The following CMYA5 variants were observed in gnomAD, a reference collection of about 807,000 sequenced individuals.
The protein encoded by CMYA5 is cardiomyopathy-associated protein 5.
In CMYA5, 246 loss-of-function variants were observed where a neutral mutation model predicts 318.9. That is an observed-to-expected ratio of 0.77 (90% confidence interval 0.70 to 0.86). The LOEUF (loss-of-function observed/expected upper bound fraction) is 0.86, where lower values mean the gene tolerates loss of function less well. CMYA5 is among the 40% of genes least tolerant of loss of function. The pLI, the probability that CMYA5 is intolerant of heterozygous loss-of-function variation, is 0.00. For synonymous variants in CMYA5, 1,641 were observed against 1,729.5 expected (o/e 0.95, Z 1.27); for missense variants, 4,589 against 4,678.2 (o/e 0.98, Z 0.56).
chr5:79,791,381 A>G (rs1256112699), intron 11 of CMYA5, among the ~76,000 whole-genome samples: 3 of 152,140 alleles, frequency 2.0e-5, no homozygotes, highest in Non-Finnish European at 2.9e-5. Flanking sequence ...TAATTCTTTT[A>G]TTATTTTTCT....
At chr5:79,702,723 T>C (rs537854449) in intron 1 of CMYA5, among the ~76,000 whole-genome samples, 5 of 152,254 alleles carry the variant, frequency 3.3e-5, no homozygotes, top group South Asian at 4.1e-4. Flanking sequence ...TGAAAGCCAT[T>C]GAATGGTACA....
intron 3 of CMYA5, 42 bp downstream of exon 3, chr5:79,743,964 C>G: frequency 1.0e-6 from 1 of 1,004,736 alleles, no homozygotes; most frequent in Non-Finnish European, 1.5e-6. Context: ...GGCTTGTTCA[C>G]AGTATCAGAA....
intron 11 of CMYA5, 64 bp from the exon 12 acceptor site, chr5:79,793,373 A>G: frequency 6.8e-7 from 1 of 1,476,486 alleles, no homozygotes; most frequent in Non-Finnish European, 9.3e-7. Context: ...GTGAATGTTT[A>G]TGCTTATGAG....
chr5:79,733,122 T>A lies in CMYA5; in HGVS notation c.4357T>A (p.Ser1453Thr). ...ATTTGATTCACTTCCAAGTGTCTCCTCTATAGCAGAGCATTCTGTTTTGTC... is the reference window on the plus strand; with the variant it reads ...ATTTGATTCACTTCCAAGTGTCTCCACTATAGCAGAGCATTCTGTTTTGTC... ...IKFDSLPSVS[S>T]IAEHSVLSEV... The change falls in exon 2 of 13, where the codon TCT (serine) becomes ACT (threonine). Residue 1453 changes from serine to threonine, a missense_variant. This residue lies in a region of CMYA5 where 2,132 missense variants were observed against 2,131.3 expected (regional missense o/e 1.00). Coordinates refer to ENST00000446378, the MANE Select transcript of CMYA5 (RefSeq NM_153610.5). 2 of 1,613,818 alleles carry A rather than the reference T, an allele frequency of 1.2e-6. No individual in the cohort carries two copies. The highest frequency in any genetic ancestry group is 1.7e-6 in the Non-Finnish European group (2 of 1,179,832).
chr5:79,762,079 G>A, intron 8 of CMYA5, 122 bp downstream of exon 8: 4 of 1,125,958 alleles, frequency 3.6e-6, no homozygotes, highest in Non-Finnish European at 4.8e-6. Context: ...GCAAAGTGCT[G>A]GTTATACAAC....
intron 9 of CMYA5, among the ~76,000 whole-genome samples, chr5:79,773,275 A>G: frequency 6.6e-6 from 1 of 152,242 alleles, no homozygotes; most frequent in East Asian, 1.9e-4. Context: ...GACTAGTAAG[A>G]AAAGTTAGTC....
Position 79,731,703 on chromosome 5 carries a change from T to G in CMYA5, c.2938T>G (p.Ser980Ala). ...GTGCGATTCTCCAATATGTTTAACA[T>G]CACCATCTGAGCACACTATTTTGTC... ...FECDSPICLT[S>A]PSEHTILSDE... The change falls in exon 2 of 13, where the codon TCA becomes GCA. Residue 980 changes from serine (S) to alanine (A), a missense_variant. Ser to Ala is a moderately conservative substitution (Grantham distance 99). This residue lies in a region of CMYA5 where 2,132 missense variants were observed against 2,131.3 expected (regional missense o/e 1.00). Transcript: ENST00000446378. The G allele has an allele frequency of 1.2e-6, 2 of 1,613,954 alleles. No homozygotes were observed. Among genetic ancestry groups the G allele is most frequent in the Non-Finnish European group, 1.7e-6 (2 of 1,179,888 alleles).
At chr5:79,701,039 G>A (rs373224098) in intron 1 of CMYA5, among the ~76,000 whole-genome samples, 4 of 144,862 alleles carry the variant, frequency 2.8e-5, no homozygotes, top group African/African-American at 1.0e-4. Context: ...GAGGCCAGGA[G>A]TTCAAGACCA....
rs764971753 is a variant in CMYA5 at position 79,737,410 on chromosome 5, A to G, written c.8645A>G (p.Lys2882Arg). The G allele has an allele frequency of 6.2e-7, 1 of 1,613,906 alleles. No individual in the cohort carries two copies. Among genetic ancestry groups the G allele is most frequent in the Non-Finnish European group, 8.5e-7 (1 of 1,179,834 alleles). ...GAGGCTGCGGAAGATACCCGTGTAAAGGAACCACTGTCTTCAGCAAAAAGC... is the reference window on the plus strand; with the variant it reads ...GAGGCTGCGGAAGATACCCGTGTAAGGGAACCACTGTCTTCAGCAAAAAGC... The part of the protein sequence containing the change: ...HLEAAEDTRV[K>R]EPLSSAKSNY... Residue 2882 changes from lysine (K) to arginine (R), a missense_variant, in exon 2 of 13, where the codon AAG becomes AGG. Transcript: ENST00000446378.
At chr5:79,707,789 C>T (rs1337772089) in intron 1 of CMYA5, among the ~76,000 whole-genome samples, 5 of 152,168 alleles carry the variant, frequency 3.3e-5, no homozygotes, top group African/African-American at 1.2e-4. Flanking sequence ...TCACACAGTG[C>T]CTTAGTCTGT....
Position 79,735,006 on chromosome 5 carries a change from C to A in CMYA5, c.6241C>A (p.Pro2081Thr), listed in dbSNP as rs1221703651. The stretch of plus-strand genomic sequence containing the variant: ...CCATTTCCCGGCAGAAGGTGTGGAA[C>A]CTGCATTGGGCAATGAAAAAGAAGC... ...TAHFPAEGVE[P>T]ALGNEKEAHR... The change falls in exon 2 of 13, where the codon CCT (proline) becomes ACT (threonine). Residue 2081 changes from proline to threonine, a missense_variant. Coordinates refer to ENST00000446378, the MANE Select transcript of CMYA5 (RefSeq NM_153610.5). 5 of 1,613,764 alleles carry A rather than the reference C, an allele frequency of 3.1e-6. No individual in the cohort carries two copies. Among genetic ancestry groups the A allele is most frequent in the Non-Finnish European group, 3.4e-6 (4 of 1,179,786 alleles).
At chr5:79,752,403 T>C (rs186528013) in intron 5 of CMYA5, among the ~76,000 whole-genome samples, 1 of 152,334 alleles carries the variant, frequency 6.6e-6, no homozygotes, top group East Asian at 1.9e-4. Context: ...ACCAACTTTA[T>C]AGGTAAAACA....
At chr5:79,709,290 A>G (rs1430559517) in intron 1 of CMYA5, among the ~76,000 whole-genome samples, 5 of 152,234 alleles carry the variant, frequency 3.3e-5, no homozygotes, top group Admixed American at 2.6e-4. Flanking sequence ...ATTCTAAGAA[A>G]AAAAAATGTG....
intron 9 of CMYA5, among the ~76,000 whole-genome samples, chr5:79,775,031 G>A (rs1828914377): frequency 6.6e-6 from 1 of 152,162 alleles, no homozygotes; most frequent in Non-Finnish European, 1.5e-5. Flanking sequence ...TCTTCACAGG[G>A]TGACAGGAGG....
At chr5:79,777,142 G>C (rs917249369) in intron 9 of CMYA5, among the ~76,000 whole-genome samples, 1 of 152,166 alleles carries the variant, frequency 6.6e-6, no homozygotes, top group Admixed American at 6.5e-5. Flanking sequence ...CTGAACTTCT[G>C]AGCTGGTAAT....
Position 79,730,071 on chromosome 5 carries a change from C to G in CMYA5, c.1306C>G (p.Leu436Val). ...GTATTCTGCTCACCATTCCATTTCT[C>G]TGGAGGCAGCGTCACCAGGTCTGGC... ...DVYSAHHSIS[L>V]EAASPGLAAS... is the part of the protein sequence containing the mutation. The change falls in exon 2 of 13, where the codon CTG becomes GTG. Residue 436 changes from leucine to valine, a missense_variant. Leu to Val is a conservative substitution (Grantham distance 32). This residue lies in a region of CMYA5 where 2,132 missense variants were observed against 2,131.3 expected (regional missense o/e 1.00). Transcript: ENST00000446378. 1 of 1,613,888 alleles carries G rather than the reference C, an allele frequency of 6.2e-7. No homozygotes were observed. The highest frequency in any genetic ancestry group is 8.5e-7 in the Non-Finnish European group (1 of 1,179,904).
rs1267160128 is a variant in CMYA5 at position 79,729,085 on chromosome 5, G to A, written c.320G>A (p.Cys107Tyr). ...ASEESQTSGVCSREGSTVNSP... is the reference protein window; with the variant it reads ...ASEESQTSGVYSREGSTVNSP... The stretch of plus-strand genomic sequence containing the variant: ...GAAGAAAGTCAGACTTCTGGTGTGT[G>A]TAGTCGGGAAGGGTCAACTGTGAAT... Residue 107 changes from cysteine to tyrosine, a missense_variant, in exon 2 of 13, where the codon TGT becomes TAT. Cys to Tyr is a radical substitution (Grantham distance 194). Around this residue, in one of 3 missense-constraint regions of CMYA5, gnomAD observed 2,132 missense variants for 2,131.3 expected, o/e 1.00. Coordinates refer to ENST00000446378, the MANE Select transcript of CMYA5 (RefSeq NM_153610.5). 1.2e-6 allele frequency: 2 copies of A among 1,613,766 alleles called. No individual in the cohort carries two copies. The highest frequency in any genetic ancestry group is 1.7e-6 in the Non-Finnish European group (2 of 1,179,854).
In CMYA5 at chr5:79,745,542, G is replaced by A. The variant is rs558646357; in HGVS notation, c.10968+87G>A. 6.7e-5 allele frequency: 56 copies of A among 836,030 alleles called. No homozygotes were observed. The South Asian group carries it at 7.2e-4, about 11-fold the overall frequency. 51.8% of individuals were successfully genotyped at this position (836,030 alleles called of 1,614,324 possible). A position where few individuals can be genotyped will look rare whatever the true frequency, so the allele number is the denominator to read the frequency against. On this transcript the variant is annotated intron_variant, in intron 4 of 12. Coordinates refer to ENST00000446378, the MANE Select transcript of CMYA5 (RefSeq NM_153610.5). ...AGCTTCATTTTTCACTATTCCTTAA[G>A]ATTATTTATATCTCTGTGTGGGATT... is the stretch of plus-strand genomic sequence containing the variant.
At chr5:79,770,719 C>T (rs1209072982) in intron 9 of CMYA5, among the ~76,000 whole-genome samples, 2 of 152,228 alleles carry the variant, frequency 1.3e-5, no homozygotes, top group Non-Finnish European at 2.9e-5. Context: ...CCTATTCGGC[C>T]ATCTTGCCAG....
Sources: allele counts gnomAD v4.1 joint callset (sites outside exome capture counted in the v4.1 genomes callset), GRCh38; gene constraint gnomAD v4.1.1; regional missense constraint gnomAD v4.1.1; transcripts MANE v1.5; gene names NCBI Gene and HGNC (gene_info 2026-07-23, HGNC 2026-07-21).